The following TMCO4 variants were observed in gnomAD, a reference collection of about 807,000 sequenced individuals.
TMCO4 encodes transmembrane and coiled-coil domains 4, also known as transmembrane and coiled-coil domain-containing protein 4.
TMCO4 carries 58 observed loss-of-function variants against 64.7 expected under a neutral mutation model. The ratio of observed to expected loss-of-function variants is 0.90; its 90% CI spans 0.73 to 1.12. The LOEUF is 1.12. Among genes scored for constraint, TMCO4 ranks in the 50% most tolerant of loss-of-function variants. The probability of loss-of-function intolerance (pLI) is 0.00; values close to 1 mark genes in which losing one functional copy is unlikely to be tolerated. For synonymous variants in TMCO4, 325 were observed against 346.1 expected, an observed-to-expected ratio of 0.94 and a Z score of 0.68; for missense variants, 780 against 825.9, an observed-to-expected ratio of 0.94 and a Z score of 0.68.
At chr1:19,737,559 T>C (rs2095460926) in intron 12 of TMCO4, 103 bp from the exon 13 acceptor site, 1 of 977,802 alleles carries the variant, frequency 1.0e-6, no homozygotes, top group African/African-American at 1.6e-5. Context: ...ACCACCTGAT[T>C]CTCATCTAAT....
chr1:19,692,414 T>G (rs1196234844), intron 15 of TMCO4, among the ~76,000 whole-genome samples: 1 of 152,012 alleles, frequency 6.6e-6, no homozygotes, highest in African/African-American at 2.4e-5. Context: ...GTCTGTACAA[T>G]GGGGACAGTA....
In TMCO4 at chr1:19,747,166, T is replaced by C. The variant is rs1385388053; in HGVS notation, c.610A>G (p.Ile204Val). The change falls in exon 8 of 16, where the codon ATC (isoleucine) becomes GTC (valine). Residue 204 changes from isoleucine to valine, a missense_variant. Ile to Val is a conservative substitution (Grantham distance 29). Transcript: ENST00000294543. The part of the protein sequence containing the change: ...GLATVGGGTV[I>V]GVTGGLAAPL... ...CACCATCTCTAGCTGGACTCACCGA[T>C]CACCGTTCCGCCTCCGACAGTCGCC... 20 of 1,613,788 alleles carry C rather than the reference T, an allele frequency of 1.2e-5. No individual in the cohort carries two copies. The highest frequency in any genetic ancestry group is 1.6e-5 in the Non-Finnish European group (19 of 1,179,868).
chr1:19,766,912 C>G (rs2042760946), intron 6 of TMCO4, among the ~76,000 whole-genome samples: 2 of 152,300 alleles, frequency 1.3e-5, no homozygotes, highest in Middle Eastern at 6.8e-3. Context: ...GAGGGTCTAC[C>G]TACCTCTGAT....
At chr1:19,715,544 A>T (rs2095351539) in intron 13 of TMCO4, among the ~76,000 whole-genome samples, 1 of 152,236 alleles carries the variant, frequency 6.6e-6, no homozygotes, top group Non-Finnish European at 1.5e-5. Flanking sequence ...TGCCTAATAA[A>T]TGCTTATCAA....
At chr1:19,747,382 G>A in intron 7 of TMCO4, 122 bp from the exon 8 acceptor site, 1 of 841,042 alleles carries the variant, frequency 1.2e-6, no homozygotes, top group East Asian at 2.5e-5. Context: ...TCAGAGTAAG[G>A]CACCAAAGTC....
chr1:19,762,042 C>A (rs1240489171), intron 6 of TMCO4, among the ~76,000 whole-genome samples: 1 of 152,206 alleles, frequency 6.6e-6, no homozygotes, highest in Non-Finnish European at 1.5e-5. Flanking sequence ...AGAACAGGTG[C>A]AGAGTGGATA....
chr1:19,738,730 A>G (rs1441663860), intron 12 of TMCO4, among the ~76,000 whole-genome samples: 1 of 152,232 alleles, frequency 6.6e-6, no homozygotes, highest in Admixed American at 6.5e-5. Context: ...CAAGCAGTTT[A>G]GCTGCATGGC....
intron 6 of TMCO4, among the ~76,000 whole-genome samples, chr1:19,763,845 A>G (rs1486462206): frequency 2.0e-5 from 3 of 151,512 alleles, no homozygotes; most frequent in African/African-American, 7.2e-5. Context: ...ACTGGGTTGA[A>G]GCCCCGTTGT....
intron 10 of TMCO4, 45 bp downstream of exon 10, chr1:19,745,487 C>T: frequency 6.2e-7 from 1 of 1,613,154 alleles, no homozygotes. Flanking sequence ...TGGCCCAGGC[C>T]ACCACTGCCC....
chr1:19,711,301 T>A (rs571567927), intron 13 of TMCO4, among the ~76,000 whole-genome samples: 15 of 152,366 alleles, frequency 9.8e-5, no homozygotes, highest in African/African-American at 3.6e-4. Context: ...GCAGCACTTT[T>A]AATTTCCTAC....
chr1:19,683,486 G>A (rs369334363), intron 15 of TMCO4, 42 bp from the exon 16 acceptor site: 4 of 1,601,466 alleles, frequency 2.5e-6, no homozygotes, highest in African/African-American at 2.7e-5. Flanking sequence ...GGTGTGCAGA[G>A]CCCAGCCCTC....
At chr1:19,745,922 C>T (rs958719073) in intron 9 of TMCO4, among the ~76,000 whole-genome samples, 1 of 152,182 alleles carries the variant, frequency 6.6e-6, no homozygotes, top group Non-Finnish European at 1.5e-5. Flanking sequence ...CATTGCTCTG[C>T]CCTGGTTCTG....
At chr1:19,760,634 G>C (rs1170135185) in intron 6 of TMCO4, among the ~76,000 whole-genome samples, 1 of 152,176 alleles carries the variant, frequency 6.6e-6, no homozygotes, top group Non-Finnish European at 1.5e-5. Flanking sequence ...AAAGTACGTG[G>C]TGGGATTAAA....
At chr1:19,777,207 G>C (rs898441390) in intron 4 of TMCO4, among the ~76,000 whole-genome samples, 3 of 152,112 alleles carry the variant, frequency 2.0e-5, no homozygotes, top group Non-Finnish European at 1.5e-5. Flanking sequence ...CGGGAGACTT[G>C]GGGAGAATCC....
intron 13 of TMCO4, among the ~76,000 whole-genome samples, chr1:19,716,963 G>A (rs1374521373): frequency 6.6e-6 from 1 of 152,162 alleles, no homozygotes; most frequent in Non-Finnish European, 1.5e-5. Context: ...GAGGTGGGTG[G>A]ATCACCTGAG....
Position 19,711,557 on chromosome 1 carries a change from C to T in TMCO4, c.1265-10672G>A, listed in dbSNP as rs188015662. 5.3e-5 allele frequency among the ~76,000 whole-genome samples: 8 copies of T among 152,252 alleles called. No individual in the cohort carries two copies. The East Asian group carries it at 5.8e-4, about 11-fold the overall frequency. On this transcript the variant is annotated intron_variant, in intron 13 of 15. Transcript: ENST00000294543. The stretch of plus-strand genomic sequence containing the variant: ...AGGCTGGAGTGCAATGGCGCAATCA[C>T]GGCTCACTGCAGCCTCGACTTCCCA...
At chr1:19,704,451 G>A (rs949038424) in intron 13 of TMCO4, among the ~76,000 whole-genome samples, 20 of 152,258 alleles carry the variant, frequency 1.3e-4, no homozygotes, top group African/African-American at 3.9e-4. Context: ...AAGCCTGGGA[G>A]CAGAACGCAG....
intron 6 of TMCO4, among the ~76,000 whole-genome samples, chr1:19,759,101 C>CAAAAAA (rs1163885215): frequency 4.7e-5 from 1 of 21,178 alleles, no homozygotes; most frequent in Non-Finnish European, 1.1e-4. Flanking sequence ...GACTCGGTCT[C>CAAAAAA]AAAAAAAAAA....
intron 6 of TMCO4, among the ~76,000 whole-genome samples, chr1:19,769,749 A>G (rs2235652): frequency 0.48 from 71,972 of 151,048 alleles, 17,903 homozygotes; most frequent in African/African-American, 0.63. Flanking sequence ...GGTGGGGAGG[A>G]GCTCAGGAGG....
Sources: gnomAD v4.1 joint callset for allele counts (sites outside exome capture counted in the v4.1 genomes callset) on GRCh38, gnomAD v4.1.1 for gene constraint, MANE v1.5 for transcripts, NCBI Gene and HGNC (gene_info 2026-07-23, HGNC 2026-07-21) for gene names.